The following SIGLEC7 variants were observed in gnomAD, a reference collection of about 807,000 sequenced individuals.
SIGLEC7 encodes sialic acid-binding Ig-like lectin 7.
A neutral mutation model predicts 40.8 loss-of-function variants in SIGLEC7; 33 were observed. The observed-to-expected ratio is 0.81, with a 90% CI of 0.61 to 1.08. SIGLEC7 has a LOEUF of 1.08. Among genes scored for constraint, SIGLEC7 ranks in the 50% least tolerant of loss-of-function variants. The pLI, the probability that SIGLEC7 is intolerant of heterozygous loss-of-function variation, is 0.00. For synonymous variants in SIGLEC7, 242 were observed against 237.6 expected (o/e 1.02, Z -0.17); for missense variants, 513 against 576.1 (o/e 0.89, Z 1.12).
Position 51,147,291 on chromosome 19 carries a change from A to G in SIGLEC7, c.1195A>G (p.Asn399Asp), listed in dbSNP as rs781399603. Residue 399 changes from asparagine (N) to aspartate (D), a missense_variant, in exon 6 of 7, where the codon AAC becomes GAC. Transcript: ENST00000317643. ...DVGDIGMKDA[N>D]TIRGSASQGN... ...GGGAGACATAGGCATGAAGGATGCA[A>G]ACACCATCAGGGGCTCAGCCTCTCA... 2 of 1,611,606 alleles carry G rather than the reference A, an allele frequency of 1.2e-6. No homozygotes were observed. The highest frequency in any genetic ancestry group is 1.7e-6 in the Non-Finnish European group (2 of 1,178,424).
chr19:51,152,816 T>C lies in SIGLEC7; in HGVS notation c.1222-247T>C, dbSNP rs188279069. 3.8e-4 allele frequency: 97 copies of C among 257,290 alleles called. No homozygotes were observed. The East Asian group carries it at 5.9e-3, about 16-fold the overall frequency. The allele number at this position is 257,290 out of a possible 1,614,324, so 15.9% of individuals were successfully genotyped here. A position where few individuals can be genotyped will look rare whatever the true frequency, so the allele number is the denominator to read the frequency against. On this transcript the variant is annotated intron_variant, in intron 6 of 6. Transcript: ENST00000317643. ...GTACGCTACTTTCTTCATGGAGTTG[T>C]TGCGGGAAGTTAATAAGATTAATAA... is the stretch of plus-strand genomic sequence containing the variant.
rs777208801 is a variant in SIGLEC7, at chr19:51,142,686, G to C, written c.317G>C (p.Cys106Ser). ...CTTGGGGACCCACAGACCAAAAATT[G>C]CACCCTGAGCATCAGAGATGCCAGA... The part of the protein sequence containing the change: ...HLLGDPQTKN[C>S]TLSIRDARMS... Residue 106 changes from cysteine to serine, a missense_variant, in exon 1 of 7, where the codon TGC becomes TCC. Cys to Ser is a moderately radical substitution (Grantham distance 112). Transcript: ENST00000317643. The surrounding 1 kb of genome is among the most constrained non-coding windows in gnomAD (Gnocchi z 5.0). 1.2e-6 allele frequency: 2 copies of C among 1,614,196 alleles called. No homozygotes were observed. The highest frequency in any genetic ancestry group is 4.5e-5 in the East Asian group (2 of 44,880).
chr19:51,144,363 A>G, intron 1 of SIGLEC7, 43 bp from the exon 2 acceptor site: 2 of 1,564,254 alleles, frequency 1.3e-6, no homozygotes, highest in South Asian at 1.2e-5. Context: ...GGGCTGTACC[A>G]TGGATCCTCT....
In SIGLEC7 at chr19:51,147,272, C is replaced by A. The variant is rs765565192; in HGVS notation, c.1176C>A (p.Asp392Glu). The change falls in exon 6 of 7, where the codon GAC becomes GAA. Residue 392 changes from aspartate (D) to glutamate (E), a missense_variant. By Grantham distance (45) the Asp-to-Glu change is conservative (BLOSUM62 2). Transcript: ENST00000317643. ...CAAGGCCAGCAGCGGACGTGGGAGACATAGGCATGAAGGATGCAAACACCA... is the reference window on the plus strand; with the variant it reads ...CAAGGCCAGCAGCGGACGTGGGAGAAATAGGCATGAAGGATGCAAACACCA... ...KSARPAADVG[D>E]IGMKDANTIR... 1.6e-5 allele frequency: 25 copies of A among 1,612,532 alleles called. No individual in the cohort carries two copies. The East Asian group carries it at 5.6e-4, about 36-fold the overall frequency.
At chr19:51,149,585 G>A (rs965652108) in intron 6 of SIGLEC7, among the ~76,000 whole-genome samples, 1 of 152,276 alleles carries the variant, frequency 6.6e-6, no homozygotes, top group East Asian at 1.9e-4. Context: ...TTTGGGTAAC[G>A]TGATGCCTCC....
intron 6 of SIGLEC7, among the ~76,000 whole-genome samples, chr19:51,150,978 G>A (rs1481452718): frequency 6.6e-6 from 1 of 152,190 alleles, no homozygotes; most frequent in African/African-American, 2.4e-5. Context: ...GTTCAGGGTG[G>A]TATAGCTGTA....
chr19:51,146,899 C>A, intron 5 of SIGLEC7, 49 bp downstream of exon 5: 2 of 1,554,744 alleles, frequency 1.3e-6, no homozygotes, highest in Non-Finnish European at 8.8e-7. Flanking sequence ...GGAGGGCGGA[C>A]TGGGAGCAGG....
intron 6 of SIGLEC7, among the ~76,000 whole-genome samples, chr19:51,152,536 TTC>T (rs1260473225): frequency 1.3e-5 from 2 of 152,224 alleles, no homozygotes; most frequent in African/African-American, 2.4e-5. Flanking sequence ...GGCCCTGTAA[TTC>T]TCTCTCACTT....
At position 51,145,118 on chromosome 19, in the gene SIGLEC7, C is replaced by T. The variant is rs1320541537; in HGVS notation, c.760+159C>T. ...TCCTTAGCCTCTGTGGCCACCTGAG[C>T]ACCTGTCCTCTTCCCCCCACTCCCC... On this transcript the variant is annotated intron_variant, in intron 3 of 6. Coordinates refer to ENST00000317643, the MANE Select transcript of SIGLEC7 (RefSeq NM_014385.4). The surrounding 1 kb of genome is among the most constrained non-coding windows in gnomAD (Gnocchi z 4.3). Among the ~76,000 whole-genome samples, 1 of 152,126 alleles carries T rather than the reference C, an allele frequency of 6.6e-6. No individual in the cohort carries two copies. Among genetic ancestry groups the T allele is most frequent in the African/African-American group, 2.4e-5 (1 of 41,396 alleles).
Position 51,145,861 on chromosome 19 carries a change from C to G in SIGLEC7, c.767C>G (p.Thr256Arg). Reference protein sequence around the residue: ...TVFQGEGTASTALGNSSSLSV... With the variant: ...TVFQGEGTASRALGNSSSLSV... ...TCCAACTTTTTCTCTACAGCATCCA[C>G]AGCTCTGGGGAACAGCTCATCTCTT... The change falls in exon 4 of 7, where the codon ACA becomes AGA. Residue 256 changes from threonine to arginine, a missense_variant. Transcript: ENST00000317643. This position sits in a 1 kb window ranked among gnomAD's most constrained non-coding sequence, Gnocchi z 4.3. 1 of 1,614,074 alleles carries G rather than the reference C, an allele frequency of 6.2e-7. No homozygotes were observed. The highest frequency in any genetic ancestry group is 8.5e-7 in the Non-Finnish European group (1 of 1,179,960).
intron 1 of SIGLEC7, chr19:51,144,009 C>G: frequency 1.9e-6 from 1 of 520,772 alleles, no homozygotes; most frequent in Non-Finnish European, 3.8e-6. Context: ...AATCCAGTGG[C>G]CACAAACATC....
chr19:51,144,741 C>A, intron 2 of SIGLEC7, 57 bp downstream of exon 2: 2 of 1,593,710 alleles, frequency 1.3e-6, no homozygotes, highest in South Asian at 1.1e-5. Flanking sequence ...TCCCTGAGGG[C>A]AGAGGATGGG....
Position 51,146,816 on chromosome 19 carries a change from C to G in SIGLEC7, c.1090C>G (p.Leu364Val). ...GGTCGGGGGAGCTGGAGCCACAGCC[C>G]TGGTCTTCCTCTCCTTCTGTGTCAT... is the stretch of plus-strand genomic sequence containing the variant. ...GAVGGAGATA[L>V]VFLSFCVIFI... Residue 364 changes from leucine (L) to valine (V), a missense_variant, in exon 5 of 7, where the codon CTG becomes GTG. Coordinates refer to ENST00000317643, the MANE Select transcript of SIGLEC7 (RefSeq NM_014385.4). 1 of 1,614,052 alleles carries G rather than the reference C, an allele frequency of 6.2e-7. No individual in the cohort carries two copies. Among genetic ancestry groups the G allele is most frequent in the Non-Finnish European group, 8.5e-7 (1 of 1,179,960 alleles).
Position 51,142,990 on chromosome 19 carries a change from C to A in SIGLEC7, c.433+188C>A, listed in dbSNP as rs916553041. Among the ~76,000 whole-genome samples, 1 of 152,170 alleles carries A rather than the reference C, an allele frequency of 6.6e-6. No individual in the cohort carries two copies. Among genetic ancestry groups the A allele is most frequent in the Admixed American group, 6.5e-5 (1 of 15,292 alleles). ...TCCTGATCCTGCAGGCCCCTCCCCT[C>A]ACCAGCCCTGACCCACAGGCCTGAC... is the stretch of plus-strand genomic sequence containing the variant. On this transcript the variant is annotated intron_variant, in intron 1 of 6. Coordinates refer to ENST00000317643, the MANE Select transcript of SIGLEC7 (RefSeq NM_014385.4). The surrounding 1 kb of genome is among the most constrained non-coding windows in gnomAD (Gnocchi z 5.0).
In SIGLEC7 at chr19:51,145,470, A is replaced by C. The variant is rs542229179; in HGVS notation, c.761-385A>C. On this transcript the variant is annotated intron_variant, in intron 3 of 6. Coordinates refer to ENST00000317643, the MANE Select transcript of SIGLEC7 (RefSeq NM_014385.4). The surrounding 1 kb of genome is among the most constrained non-coding windows in gnomAD (Gnocchi z 4.3). ...AGACTGTTTGCACCCTCTTCTAGGG[A>C]TGTGTGTGATTCCACTGTCTGAATA... Among the ~76,000 whole-genome samples the C allele has an allele frequency of 6.6e-6, 1 of 152,114 alleles. No homozygotes were observed. Among genetic ancestry groups the C allele is most frequent in the Non-Finnish European group, 1.5e-5 (1 of 68,028 alleles).
chr19:51,151,575 A>G (rs922597458), intron 6 of SIGLEC7, among the ~76,000 whole-genome samples: 1 of 152,182 alleles, frequency 6.6e-6, no homozygotes, highest in Non-Finnish European at 1.5e-5. Flanking sequence ...TCTGATATTT[A>G]AGGTCAGGGA....
At position 51,145,655 on chromosome 19, in the gene SIGLEC7, T is replaced by C. The variant is rs1016944301; in HGVS notation, c.761-200T>C. On this transcript the variant is annotated intron_variant, in intron 3 of 6. Coordinates refer to ENST00000317643, the MANE Select transcript of SIGLEC7 (RefSeq NM_014385.4). The surrounding 1 kb of genome is among the most constrained non-coding windows in gnomAD (Gnocchi z 4.3). ...CACATTTTACCAGTGTCATATGTTC[T>C]TTCTGATTTTGAAAGATATGGTGAA... Among the ~76,000 whole-genome samples, 1 of 152,246 alleles carries C rather than the reference T, an allele frequency of 6.6e-6. No individual in the cohort carries two copies. Among genetic ancestry groups the C allele is most frequent in the African/African-American group, 2.4e-5 (1 of 41,458 alleles).
intron 6 of SIGLEC7, among the ~76,000 whole-genome samples, chr19:51,147,987 T>C (rs1599833637): frequency 6.6e-6 from 1 of 152,260 alleles, no homozygotes. Flanking sequence ...TGGGTAGAAT[T>C]TGTCCCAAGG....
At position 51,142,476 on chromosome 19, in the gene SIGLEC7, T is replaced by G; in HGVS notation, c.107T>G (p.Val36Gly). The G allele has an allele frequency of 6.2e-7, 1 of 1,614,158 alleles. No homozygotes were observed. The highest frequency in any genetic ancestry group is 1.1e-5 in the South Asian group (1 of 91,086). ...CTGACGATGCAGAGTTCCGTGACCG[T>G]GCAAGAGGGCATGTGTGTCCATGTG... Reference protein sequence around the residue: ...YSLTMQSSVTVQEGMCVHVRC... With the variant: ...YSLTMQSSVTGQEGMCVHVRC... Residue 36 changes from valine to glycine, a missense_variant, in exon 1 of 7, where the codon GTG becomes GGG. Physicochemically the swap from Val to Gly is moderately radical, Grantham distance 109 (BLOSUM62 -3). Coordinates refer to ENST00000317643, the MANE Select transcript of SIGLEC7 (RefSeq NM_014385.4). The surrounding 1 kb of genome is among the most constrained non-coding windows in gnomAD (Gnocchi z 5.0).
Sources: gnomAD v4.1 joint callset for allele counts (sites outside exome capture counted in the v4.1 genomes callset) on GRCh38, gnomAD v4.1.1 for gene constraint, Gnocchi (gnomAD v3.1) non-coding constraint, MANE v1.5 for transcripts, NCBI Gene and HGNC (gene_info 2026-07-23, HGNC 2026-07-21) for gene names.